Variants in SCN7A observed in about 807,000 individuals in gnomAD.
SCN7A encodes the protein sodium channel protein type 7 subunit alpha.
Under a neutral mutation model 155.2 loss-of-function variants are expected in SCN7A, and 138 were observed. The observed-to-expected ratio is 0.89, with a 90% CI of 0.77 to 1.02. The LOEUF (loss-of-function observed/expected upper bound fraction) is 1.02, where lower values mean the gene tolerates loss of function less well. SCN7A is among the 50% of genes least tolerant of loss of function. The probability of loss-of-function intolerance (pLI) is 0.00; values close to 1 mark genes in which losing one functional copy is unlikely to be tolerated. For synonymous variants in SCN7A, 693 were observed against 649.0 expected (o/e 1.07, Z -1.03); for missense variants, 2,058 against 1,986.6 (o/e 1.04, Z -0.68).
At chr2:166,481,748 G>GTTGTTTTAAGGTTGATTAAGTAAAATAAA (rs1702932501) in intron 2 of SCN7A, among the ~76,000 whole-genome samples, 2 of 152,228 alleles carry the variant, frequency 1.3e-5, no homozygotes, top group South Asian at 4.1e-4. Context: ...ACAATTTACA[G>GTTGTTTTAAGGTTGATTAAGTAAAATAAA]ACAAGCTAAA....
At chr2:166,491,009 G>A (rs1316103178) in intron 1 of SCN7A, among the ~76,000 whole-genome samples, 2 of 152,136 alleles carry the variant, frequency 1.3e-5, no homozygotes, top group African/African-American at 4.8e-5. Context: ...AGTAGATATG[G>A]GCAAGAGCCT....
intron 23 of SCN7A, among the ~76,000 whole-genome samples, chr2:166,412,192 G>GTT (rs934907255): frequency 2.0e-5 from 3 of 151,864 alleles, no homozygotes; most frequent in African/African-American, 7.3e-5. Flanking sequence ...GTAAAAGAGT[G>GTT]TTTTTTTCTG....
intron 18 of SCN7A, among the ~76,000 whole-genome samples, chr2:166,427,404 T>C (rs1429705871): frequency 6.6e-6 from 1 of 152,040 alleles, no homozygotes. Flanking sequence ...TTTCCTTTGA[T>C]AGGTACCAAA....
intron 23 of SCN7A, among the ~76,000 whole-genome samples, chr2:166,411,978 C>T (rs1319726446): frequency 6.6e-6 from 1 of 151,852 alleles, no homozygotes; most frequent in Non-Finnish European, 1.5e-5. Flanking sequence ...TTGTGGAGGC[C>T]CTGAAGAAGC....
At chr2:166,431,183 G>C (rs1342324125) in intron 16 of SCN7A, among the ~76,000 whole-genome samples, 1 of 152,058 alleles carries the variant, frequency 6.6e-6, no homozygotes, top group Non-Finnish European at 1.5e-5. Flanking sequence ...CTTTAACGAA[G>C]ATTGAGAAGT....
chr2:166,446,655 T>C (rs1702069586), intron 12 of SCN7A, among the ~76,000 whole-genome samples: 1 of 151,934 alleles, frequency 6.6e-6, no homozygotes, highest in South Asian at 2.1e-4. Flanking sequence ...ATAAAGAAAA[T>C]GTGGCACATA....
At chr2:166,414,259 TATATACACACAC>T in intron 21 of SCN7A, among the ~76,000 whole-genome samples, 1 of 65,816 alleles carries the variant, frequency 1.5e-5, no homozygotes, top group African/African-American at 6.6e-5. Flanking sequence ...TATATAGATA[TATATACACACAC>T]ATATATATAT....
chr2:166,492,698 T>C (rs187919531), intron 1 of SCN7A, among the ~76,000 whole-genome samples: 26 of 152,328 alleles, frequency 1.7e-4, no homozygotes, highest in African/African-American at 5.5e-4. Flanking sequence ...AAGCCCTCTG[T>C]ATGCTTATAT....
intron 18 of SCN7A, among the ~76,000 whole-genome samples, chr2:166,426,712 T>A (rs372796968): frequency 3.7e-4 from 57 of 152,086 alleles, no homozygotes; most frequent in Non-Finnish European, 6.3e-4. Flanking sequence ...CCTTGTGGAG[T>A]AGGGAAGTAA....
chr2:166,480,055 C>T (rs1462704639), intron 2 of SCN7A, among the ~76,000 whole-genome samples: 1 of 152,178 alleles, frequency 6.6e-6, no homozygotes, highest in African/African-American at 2.4e-5. Context: ...TCACATTTCA[C>T]ATGTTAAACT....
At chr2:166,430,106 G>T (rs571098273) in intron 16 of SCN7A, among the ~76,000 whole-genome samples, 1 of 151,906 alleles carries the variant, frequency 6.6e-6, no homozygotes, top group South Asian at 2.1e-4. Flanking sequence ...TAAGGCAAGC[G>T]CATTTTAACA....
intron 12 of SCN7A, among the ~76,000 whole-genome samples, chr2:166,446,833 T>G (rs1158854090): frequency 6.6e-6 from 1 of 151,932 alleles, no homozygotes; most frequent in African/African-American, 2.4e-5. Flanking sequence ...TGAGAACACA[T>G]GGACACAGGG....
At chr2:166,478,337 T>A (rs972397500) in intron 2 of SCN7A, among the ~76,000 whole-genome samples, 8 of 149,992 alleles carry the variant, frequency 5.3e-5, no homozygotes, top group Non-Finnish European at 8.9e-5. Context: ...GAAAAAAAAA[T>A]TAACCCAAAT....
At chr2:166,458,897 G>C (rs1258647006) in intron 10 of SCN7A, among the ~76,000 whole-genome samples, 5 of 152,162 alleles carry the variant, frequency 3.3e-5, no homozygotes, top group Non-Finnish European at 7.3e-5. Flanking sequence ...ACACATGACT[G>C]TATTTACATA....
Position 166,447,621 on chromosome 2 carries a change from G to A in SCN7A, c.1378C>T (p.His460Tyr), listed in dbSNP as rs1702090901. ...LDVLEDATLR[H>Y]KEELEKSKKI... Reference sequence around the variant, plus strand: ...TTATTTAGTACTTTACCTTCCTTATGTCTGAGAGTAGCATCTTCCAACACA... The same window carrying A: ...TTATTTAGTACTTTACCTTCCTTATATCTGAGAGTAGCATCTTCCAACACA... Residue 460 changes from histidine to tyrosine, a missense_variant, in exon 12 of 26, where the codon CAT becomes TAT. By Grantham distance (83) the His-to-Tyr change is moderately conservative. Coordinates refer to ENST00000643258, the MANE Select transcript of SCN7A (RefSeq NM_002976.4). 2 of 1,606,202 alleles carry A rather than the reference G, an allele frequency of 1.2e-6. No homozygotes were observed. Among genetic ancestry groups the A allele is most frequent in the South Asian group, 2.2e-5 (2 of 90,850 alleles).
chr2:166,461,432 C>T (rs1473483007), intron 10 of SCN7A, among the ~76,000 whole-genome samples: 4 of 152,084 alleles, frequency 2.6e-5, no homozygotes, highest in East Asian at 3.9e-4. Flanking sequence ...AACTATGACA[C>T]ATACATAATT....
chr2:166,414,077 AAATATATG>A, intron 21 of SCN7A, among the ~76,000 whole-genome samples: 1 of 44,362 alleles, frequency 2.3e-5, no homozygotes, highest in African/African-American at 6.4e-5. Flanking sequence ...TTATATATGT[AAATATATG>A]TAAATATATA....
intron 2 of SCN7A, among the ~76,000 whole-genome samples, chr2:166,486,237 G>C (rs1015476749): frequency 6.6e-6 from 1 of 152,136 alleles, no homozygotes; most frequent in Non-Finnish European, 1.5e-5. Flanking sequence ...ATTGTTGCCA[G>C]CTTCTCCTCA....
chr2:166,455,534 G>A (rs992995623), intron 11 of SCN7A, among the ~76,000 whole-genome samples: 1 of 152,036 alleles, frequency 6.6e-6, no homozygotes, highest in African/African-American at 2.4e-5. Flanking sequence ...ACAGACCTTG[G>A]GGACTACTAG....
Sources: allele counts gnomAD v4.1 joint callset (sites outside exome capture counted in the v4.1 genomes callset), GRCh38; gene constraint gnomAD v4.1.1; transcripts MANE v1.5; gene names NCBI Gene and HGNC (gene_info 2026-07-23, HGNC 2026-07-21).